The following MPPED1 variants were observed in gnomAD, a reference collection of about 807,000 sequenced individuals.
MPPED1 encodes metallophosphoesterase domain-containing protein 1.
A neutral mutation model predicts 36.2 loss-of-function variants in MPPED1; 16 were observed. The observed-to-expected ratio is 0.44, with a 90% confidence interval of 0.30 to 0.67. The LOEUF is 0.67. MPPED1 is among the 30% of genes least tolerant of loss of function. The probability of loss-of-function intolerance (pLI) is 0.10; values close to 1 mark genes in which losing one functional copy is unlikely to be tolerated. For synonymous variants in MPPED1, 199 were observed against 191.3 expected (o/e 1.04, Z -0.33); for missense variants, 307 against 453.4 (o/e 0.68, Z 2.93).
chr22:43,496,352 G>GTGGTGATGGAGGTGGTGA (rs1932358281), intron 4 of MPPED1, among the ~76,000 whole-genome samples: 1 of 74,980 alleles, frequency 1.3e-5, no homozygotes, highest in Admixed American at 1.2e-4. Flanking sequence ...GGAGGTGGTG[G>GTGGTGATGGAGGTGGTGA]TGGTGGAGGT....
At chr22:43,503,819 A>G (rs1932769583) in intron 6 of MPPED1, among the ~76,000 whole-genome samples, 1 of 152,026 alleles carries the variant, frequency 6.6e-6, no homozygotes, top group Non-Finnish European at 1.5e-5. Flanking sequence ...TTTGACCCAA[A>G]CCACACCCCC....
chr22:43,428,172 T>A (rs1421024783), intron 2 of MPPED1, among the ~76,000 whole-genome samples: 1 of 152,102 alleles, frequency 6.6e-6, no homozygotes, highest in Non-Finnish European at 1.5e-5. Flanking sequence ...GTAAGTGCTA[T>A]GGAGAAGGAG....
rs1168046971 is a variant in MPPED1, at chr22:43,507,540, G to A, written c.*1924G>A. On this transcript the variant is annotated 3_prime_UTR_variant, in exon 7 of 7. Transcript: ENST00000443721. ...GGTCTCTCTGATGCCCCAGGCGCAG[G>A]ACATGTGTGCGGGTGGAGAAAAGCA... 2.6e-5 allele frequency: 4 copies of A among 152,242 alleles called. No homozygotes were observed. In the East Asian group the frequency reaches 7.7e-4, roughly 29 times the overall value. The allele number at this position is 152,242 out of a possible 1,614,324, so 9.4% of individuals were successfully genotyped here.
intron 5 of MPPED1, among the ~76,000 whole-genome samples, chr22:43,500,215 GGGTGATGGT>G (rs1932648689): frequency 2.2e-5 from 1 of 45,242 alleles, no homozygotes; most frequent in Non-Finnish European, 4.1e-5. Context: ...GAGGTGGTGG[GGGTGATGGT>G]GGAGGTGGTG....
chr22:43,492,596 T>C (rs1238247090), intron 4 of MPPED1, among the ~76,000 whole-genome samples: 1 of 152,048 alleles, frequency 6.6e-6, no homozygotes, highest in Non-Finnish European at 1.5e-5. Context: ...CACACTTAAT[T>C]TTTCCTCTCA....
chr22:43,477,465 G>A (rs900034428), intron 4 of MPPED1, among the ~76,000 whole-genome samples: 1 of 152,198 alleles, frequency 6.6e-6, no homozygotes, highest in Admixed American at 6.5e-5. Flanking sequence ...CACTCTGGCC[G>A]CTACCCTCCC....
At chr22:43,471,602 A>G (rs772402247) in intron 3 of MPPED1, among the ~76,000 whole-genome samples, 8 of 152,232 alleles carry the variant, frequency 5.3e-5, no homozygotes, top group African/African-American at 1.9e-4. Context: ...AGAAGTGGCC[A>G]TCTTTCCTGC....
chr22:43,475,517 GGTT>G (rs1352180130), intron 4 of MPPED1, among the ~76,000 whole-genome samples: 926 of 140,162 alleles, frequency 6.6e-3, no homozygotes, highest in Middle Eastern at 0.019. Context: ...TCATGATGAT[GGTT>G]GTGGTGGTGG....
At chr22:43,455,434 C>T (rs901305174) in intron 3 of MPPED1, among the ~76,000 whole-genome samples, 3 of 152,036 alleles carry the variant, frequency 2.0e-5, no homozygotes, top group Non-Finnish European at 4.4e-5. Flanking sequence ...ACAGGGACAC[C>T]AGTCATTGGA....
At chr22:43,431,330 A>G (rs1404050884) in intron 2 of MPPED1, among the ~76,000 whole-genome samples, 1 of 152,044 alleles carries the variant, frequency 6.6e-6, no homozygotes, top group Non-Finnish European at 1.5e-5. Flanking sequence ...GGTGTGAGGC[A>G]TTGTGCCTGG....
At chr22:43,455,937 C>T (rs1259865361) in intron 3 of MPPED1, among the ~76,000 whole-genome samples, 1 of 152,208 alleles carries the variant, frequency 6.6e-6, no homozygotes, top group African/African-American at 2.4e-5. Flanking sequence ...AGAAATCTGA[C>T]ATTCAGGTGT....
intron 4 of MPPED1, among the ~76,000 whole-genome samples, chr22:43,492,761 G>T (rs1416283635): frequency 2.0e-5 from 3 of 152,166 alleles, no homozygotes; most frequent in Admixed American, 6.5e-5. Context: ...GGGCAGGAGC[G>T]ACAGCCCTCT....
intron 3 of MPPED1, among the ~76,000 whole-genome samples, chr22:43,470,587 T>A (rs1273513363): frequency 6.6e-6 from 1 of 152,216 alleles, no homozygotes; most frequent in East Asian, 1.9e-4. Flanking sequence ...GATTTATCCA[T>A]CCATGCATCC....
chr22:43,435,602 A>G (rs1017401740), intron 3 of MPPED1, among the ~76,000 whole-genome samples: 7 of 152,156 alleles, frequency 4.6e-5, no homozygotes, highest in African/African-American at 1.7e-4. Context: ...CATGCCTGTA[A>G]TCCTAGCACT....
intron 5 of MPPED1, among the ~76,000 whole-genome samples, chr22:43,499,704 ATGATGGTGGTGG>A (rs1354448867): frequency 2.5e-5 from 1 of 39,244 alleles, no homozygotes; most frequent in African/African-American, 9.1e-5. Context: ...GGTGGAGGTG[ATGATGGTGGTGG>A]TGATGGAGGT....
At chr22:43,425,702 G>C (rs1241261901) in intron 2 of MPPED1, among the ~76,000 whole-genome samples, 2 of 152,258 alleles carry the variant, frequency 1.3e-5, no homozygotes, top group East Asian at 3.9e-4. Flanking sequence ...CCCATGGCAG[G>C]TTAGGACACC....
At chr22:43,491,058 TC>T in intron 4 of MPPED1, among the ~76,000 whole-genome samples, 1 of 152,226 alleles carries the variant, frequency 6.6e-6, no homozygotes, top group East Asian at 1.9e-4. Flanking sequence ...AACTGAAGTA[TC>T]CCTTTCCTGG....
At chr22:43,471,313 G>A (rs542583143) in intron 3 of MPPED1, among the ~76,000 whole-genome samples, 51 of 152,208 alleles carry the variant, frequency 3.4e-4, no homozygotes, top group Non-Finnish European at 5.1e-4. Context: ...CAGCGATGGT[G>A]GCCACCCCCA....
At chr22:43,416,168 G>T (rs916008028) in intron 1 of MPPED1, among the ~76,000 whole-genome samples, 4 of 152,164 alleles carry the variant, frequency 2.6e-5, no homozygotes, top group African/African-American at 9.7e-5. Flanking sequence ...TTCTGCCCTG[G>T]GTTCCCTGCA....
Sources: allele counts gnomAD v4.1 joint callset (sites outside exome capture counted in the v4.1 genomes callset), GRCh38; gene constraint gnomAD v4.1.1; transcripts MANE v1.5; gene names NCBI Gene and HGNC (gene_info 2026-07-23, HGNC 2026-07-21).